CADPS2: variants seen among roughly 807,000 people sequenced by gnomAD.
The protein encoded by CADPS2 is calcium dependent secretion activator 2, also known as calcium-dependent secretion activator 2.
A neutral mutation model predicts 172.5 loss-of-function variants in CADPS2; 93 were observed. The observed-to-expected ratio is 0.54, with a 90% CI of 0.46 to 0.64. The LOEUF (loss-of-function observed/expected upper bound fraction) is 0.64, where lower values mean the gene tolerates loss of function less well. Among genes scored for constraint, CADPS2 ranks in the 30% least tolerant of loss-of-function variants. The pLI is 0.00. For synonymous variants in CADPS2, 546 were observed against 555.2 expected, an observed-to-expected ratio of 0.98 and a Z score of 0.23; for missense variants, 1,420 against 1,565.9, an observed-to-expected ratio of 0.91 and a Z score of 1.57.
At chr7:122,472,672 A>G (rs2056131716) in intron 13 of CADPS2, among the ~76,000 whole-genome samples, 1 of 152,206 alleles carries the variant, frequency 6.6e-6, no homozygotes, top group Admixed American at 6.5e-5. Flanking sequence ...GTGGAATCCG[A>G]GAGGACACTA....
intron 2 of CADPS2, among the ~76,000 whole-genome samples, chr7:122,679,683 G>A (rs2082813997): frequency 6.6e-6 from 1 of 152,048 alleles, no homozygotes; most frequent in Admixed American, 6.6e-5. Context: ...CACGGAACCT[G>A]CCGACATATT....
At chr7:122,388,877 C>A in intron 22 of CADPS2, 139 bp from the exon 23 acceptor site, 1 of 791,584 alleles carries the variant, frequency 1.3e-6, no homozygotes, top group South Asian at 3.0e-5. Context: ...CCAATATTTT[C>A]TTTGTTCAGC....
intron 9 of CADPS2, among the ~76,000 whole-genome samples, chr7:122,508,006 T>C (rs2059733680): frequency 6.6e-6 from 1 of 152,162 alleles, no homozygotes; most frequent in African/African-American, 2.4e-5. Context: ...TTCATTTATA[T>C]AACAAATATT....
At chr7:122,617,664 G>A (rs1405674552) in intron 5 of CADPS2, among the ~76,000 whole-genome samples, 1 of 152,164 alleles carries the variant, frequency 6.6e-6, no homozygotes, top group Non-Finnish European at 1.5e-5. Flanking sequence ...TGGGCAATAT[G>A]GTGAAATTGG....
intron 7 of CADPS2, among the ~76,000 whole-genome samples, chr7:122,574,449 A>T (rs1359733286): frequency 1.4e-5 from 2 of 145,894 alleles, no homozygotes; most frequent in Admixed American, 6.8e-5. Flanking sequence ...CTGTCTTAAA[A>T]AAAAAAAAAA....
At position 122,851,342 on chromosome 7, in the gene CADPS2, T is replaced by A. The variant is rs143146389; in HGVS notation, c.339+34657A>T. Among the ~76,000 whole-genome samples, 37 of 152,164 alleles carry A rather than the reference T, an allele frequency of 2.4e-4. No individual in the cohort carries two copies. The East Asian group carries it at 5.2e-3, about 22-fold the overall frequency. On this transcript the variant is annotated intron_variant, in intron 1 of 29. Coordinates refer to ENST00000449022, the MANE Select transcript of CADPS2 (RefSeq NM_017954.11). ...TAGAGGACAGGAATGGGTCTAGCTG[T>A]CCCTTCTGTGCCCAATCACTGGCTC...
intron 18 of CADPS2, 60 bp downstream of exon 18, chr7:122,416,001 G>T: frequency 1.9e-6 from 2 of 1,072,804 alleles, no homozygotes; most frequent in Non-Finnish European, 1.3e-6. Flanking sequence ...ATTCAGTGTA[G>T]CCACAACCAT....
At chr7:122,573,137 T>C (rs1453641484) in intron 7 of CADPS2, among the ~76,000 whole-genome samples, 2 of 152,182 alleles carry the variant, frequency 1.3e-5, no homozygotes, top group Non-Finnish European at 2.9e-5. Flanking sequence ...CCAGTGCTTC[T>C]CAACTCTGTA....
At chr7:122,604,939 A>G (rs2073299617) in intron 6 of CADPS2, among the ~76,000 whole-genome samples, 1 of 152,078 alleles carries the variant, frequency 6.6e-6, no homozygotes. Flanking sequence ...CACAGAGTGT[A>G]CTTATACAAA....
chr7:122,474,539 T>A (rs200200154), intron 12 of CADPS2, 22 bp from the exon 13 acceptor site: 2 of 1,606,168 alleles, frequency 1.2e-6, no homozygotes, highest in African/African-American at 1.3e-5. Context: ...GGAAAGCATG[T>A]ACAGTATATT....
chr7:122,564,345 C>T (rs945185546), intron 7 of CADPS2, among the ~76,000 whole-genome samples: 1 of 152,072 alleles, frequency 6.6e-6, no homozygotes, highest in African/African-American at 2.4e-5. Context: ...CACTCTGTTG[C>T]CCAGGCAGGC....
intron 2 of CADPS2, among the ~76,000 whole-genome samples, chr7:122,727,373 C>T (rs140039938): frequency 2.0e-5 from 3 of 151,786 alleles, no homozygotes; most frequent in East Asian, 2.0e-4. Context: ...TGGCAGCTAC[C>T]TAGCTTGGGT....
intron 2 of CADPS2, among the ~76,000 whole-genome samples, chr7:122,667,204 T>C (rs1179527715): frequency 2.0e-5 from 3 of 152,186 alleles, no homozygotes; most frequent in African/African-American, 7.2e-5. Flanking sequence ...ACAACCACCT[T>C]TGAGAAATTT....
intron 17 of CADPS2, among the ~76,000 whole-genome samples, chr7:122,436,901 G>C (rs189648215): frequency 2.2e-4 from 33 of 152,216 alleles, no homozygotes; most frequent in Non-Finnish European, 3.8e-4. Context: ...CCGTGGACAA[G>C]TTAATAGTCA....
chr7:122,416,375 C>A (rs1312601638), intron 17 of CADPS2, among the ~76,000 whole-genome samples: 1 of 151,862 alleles, frequency 6.6e-6, no homozygotes, highest in African/African-American at 2.4e-5. Flanking sequence ...AAGTGCTTTG[C>A]CATTTAATAT....
intron 2 of CADPS2, among the ~76,000 whole-genome samples, chr7:122,719,868 T>C (rs897422605): frequency 1.3e-5 from 2 of 152,084 alleles, no homozygotes; most frequent in Non-Finnish European, 1.5e-5. Context: ...CATAGATTAA[T>C]GGTCATTAGG....
At chr7:122,362,203 C>T (rs1362814062) in intron 25 of CADPS2, among the ~76,000 whole-genome samples, 1 of 152,178 alleles carries the variant, frequency 6.6e-6, no homozygotes, top group Non-Finnish European at 1.5e-5. Context: ...AGTTAACAAG[C>T]ATTTACCAGG....
chr7:122,388,321 TA>T, intron 23 of CADPS2, among the ~76,000 whole-genome samples: 1 of 152,028 alleles, frequency 6.6e-6, no homozygotes, highest in Non-Finnish European at 1.5e-5. Flanking sequence ...GAGATAACAA[TA>T]AGCCCTAAAG....
At chr7:122,336,707 T>C (rs890589855) in intron 28 of CADPS2, among the ~76,000 whole-genome samples, 1 of 152,198 alleles carries the variant, frequency 6.6e-6, no homozygotes, top group African/African-American at 2.4e-5. Context: ...ATATACATTA[T>C]GCAATTGGTG....
Sources: allele counts gnomAD v4.1 joint callset (sites outside exome capture counted in the v4.1 genomes callset), GRCh38; gene constraint gnomAD v4.1.1; transcripts MANE v1.5; gene names NCBI Gene and HGNC (gene_info 2026-07-23, HGNC 2026-07-21).